RAPGEF5: variants seen among roughly 807,000 people sequenced by gnomAD.
RAPGEF5 encodes Rap guanine nucleotide exchange factor 5, also known as M-Ras-regulated GEF.
Under a neutral mutation model 125.2 loss-of-function variants are expected in RAPGEF5, and 65 were observed. The ratio of observed to expected loss-of-function variants is 0.52; its 90% CI spans 0.43 to 0.64. The LOEUF (loss-of-function observed/expected upper bound fraction) is 0.64, where lower values mean the gene tolerates loss of function less well. RAPGEF5 is among the 30% of genes least tolerant of loss of function. The pLI is 0.00. For synonymous variants in RAPGEF5, 391 were observed against 385.9 expected, an observed-to-expected ratio of 1.01 and a Z score of -0.16; for missense variants, 958 against 1,048.1, an observed-to-expected ratio of 0.91 and a Z score of 1.19.
At chr7:22,229,745 C>T (rs1387646078) in intron 8 of RAPGEF5, among the ~76,000 whole-genome samples, 1 of 152,166 alleles carries the variant, frequency 6.6e-6, no homozygotes, top group Non-Finnish European at 1.5e-5. Context: ...ATCAAGCTTT[C>T]TTAGACACAC....
In RAPGEF5 at chr7:22,343,806, T is replaced by C. The variant is rs545630375; in HGVS notation, c.231+13024A>G. 7.9e-5 allele frequency among the ~76,000 whole-genome samples: 12 copies of C among 152,244 alleles called. 1 individual carries two copies. The highest frequency in any genetic ancestry group is 2.9e-4 in the African/African-American group (12 of 41,548). On this transcript the variant is annotated intron_variant, in intron 1 of 25. Transcript: ENST00000665637. Reference sequence around the variant, plus strand: ...TAGTTTTGGCAGGCATTTCAGAACATGTTCAATACACGGTGACAAAATTTA... The same window carrying C: ...TAGTTTTGGCAGGCATTTCAGAACACGTTCAATACACGGTGACAAAATTTA...
chr7:22,211,264 G>C (rs998309642), intron 9 of RAPGEF5, among the ~76,000 whole-genome samples: 1 of 152,160 alleles, frequency 6.6e-6, no homozygotes. Context: ...AGCAACCAAA[G>C]TATATGAATG....
intron 6 of RAPGEF5, among the ~76,000 whole-genome samples, chr7:22,268,629 A>G (rs192046586): frequency 6.6e-6 from 1 of 152,326 alleles, no homozygotes; most frequent in East Asian, 1.9e-4. Context: ...TCTAGATTCT[A>G]TGATCTCCCA....
intron 3 of RAPGEF5, among the ~76,000 whole-genome samples, chr7:22,312,747 C>A (rs1490632675): frequency 6.6e-6 from 1 of 152,204 alleles, no homozygotes; most frequent in East Asian, 1.9e-4. Flanking sequence ...CTGACTTTAT[C>A]AAGTTATGTT....
chr7:22,149,000 A>G (rs184407316), intron 18 of RAPGEF5, among the ~76,000 whole-genome samples: 1 of 152,336 alleles, frequency 6.6e-6, no homozygotes, highest in Non-Finnish European at 1.5e-5. Flanking sequence ...AGGACAGCAC[A>G]GGAAAGGTCC....
chr7:22,318,052 G>GA lies in RAPGEF5; in HGVS notation c.232-16dup, dbSNP rs201720761. 2,998 of 1,216,448 alleles carry GA rather than the reference G, an allele frequency of 2.5e-3. No homozygotes were observed. Among genetic ancestry groups the GA allele is most frequent in the Admixed American group, 7.2e-3 (183 of 25,476 alleles). The allele number at this position is 1,216,448 out of a possible 1,614,324, so 75.4% of individuals were successfully genotyped here. Reference sequence around the variant, plus strand: ...CTTGATAGAGTCTATTTTAAACAAAGAAAAAAAAAATAGTTAGAACCAAAT... The same window carrying GA: ...CTTGATAGAGTCTATTTTAAACAAAGAAAAAAAAAAATAGTTAGAACCAAAT... On this transcript the variant is annotated splice_polypyrimidine_tract_variant and intron_variant, in intron 1 of 25. Transcript: ENST00000665637.
intron 4 of RAPGEF5, 42 bp from the exon 5 acceptor site, chr7:22,308,549 T>C (rs1332854455): frequency 1.2e-5 from 17 of 1,390,922 alleles, no homozygotes; most frequent in Admixed American, 5.1e-5. Flanking sequence ...TTTTAAAAGA[T>C]ATTACTCAGA....
intron 9 of RAPGEF5, chr7:22,202,830 A>G (rs1293214457): frequency 4.5e-6 from 1 of 222,384 alleles, no homozygotes; most frequent in Non-Finnish European, 9.7e-6. Flanking sequence ...TATCTCTCTG[A>G]GCATCAGCTT....
chr7:22,280,549 A>G (rs1324056858), intron 6 of RAPGEF5, among the ~76,000 whole-genome samples: 2 of 152,172 alleles, frequency 1.3e-5, no homozygotes, highest in Non-Finnish European at 2.9e-5. Context: ...AAAGCTGTGG[A>G]TCTGCAAAAA....
At chr7:22,269,619 A>T (rs915957603) in intron 6 of RAPGEF5, among the ~76,000 whole-genome samples, 1 of 152,258 alleles carries the variant, frequency 6.6e-6, no homozygotes, top group African/African-American at 2.4e-5. Context: ...TCTTCAGAAC[A>T]TGTTAGAAGG....
intron 7 of RAPGEF5, among the ~76,000 whole-genome samples, chr7:22,258,787 T>A (rs1782073092): frequency 6.6e-6 from 1 of 151,942 alleles, no homozygotes; most frequent in African/African-American, 2.4e-5. Flanking sequence ...CAGAAACAAC[T>A]GGATATCCAC....
chr7:22,320,577 CCT>C (rs769433340), intron 1 of RAPGEF5, among the ~76,000 whole-genome samples: 2 of 152,150 alleles, frequency 1.3e-5, no homozygotes, highest in South Asian at 2.1e-4. Context: ...AATGCACCCC[CCT>C]CTTTCCATTT....
chr7:22,146,495 T>C (rs190870549), intron 19 of RAPGEF5, among the ~76,000 whole-genome samples: 2 of 152,318 alleles, frequency 1.3e-5, no homozygotes, highest in Non-Finnish European at 1.5e-5. Context: ...TGTTCTTAAG[T>C]AAAAAGATGG....
rs1053898012 is a variant in RAPGEF5, at chr7:22,118,640, C to T, written c.*3766G>A. The T allele has an allele frequency of 5.9e-5, 9 of 152,568 alleles. No homozygotes were observed. The highest frequency in any genetic ancestry group is 3.9e-4 in the East Asian group (2 of 5,186). 9.5% of individuals were successfully genotyped at this position (152,568 alleles called of 1,614,324 possible). On this transcript the variant is annotated 3_prime_UTR_variant, in exon 26 of 26. Coordinates refer to ENST00000665637, the MANE Select transcript of RAPGEF5 (RefSeq NM_012294.5). ...AGAAGTTAGGTAGACACCCTGATGG[C>T]GGGTTCTCTATCTTCTAATTGTTAA...
At chr7:22,137,252 G>A (rs56252011) in intron 21 of RAPGEF5, among the ~76,000 whole-genome samples, 1,774 of 152,276 alleles carry the variant, frequency 0.012, 22 homozygotes, top group Middle Eastern at 0.02. Context: ...CATACTGGTG[G>A]TCATTTAATA....
In RAPGEF5 at chr7:22,194,822, G is replaced by A. The variant is rs1348474931; in HGVS notation, c.997-789C>T. The A allele has an allele frequency of 1.3e-5, 12 of 948,654 alleles. No homozygotes were observed. In the African/African-American group the frequency reaches 1.4e-4, roughly 11 times the overall value. The allele number at this position is 948,654 out of a possible 1,614,324, so 58.8% of individuals were successfully genotyped here. ...CCCAGAGTGAGTGTGGCCCGCTGAC[G>A]TGGCTCTGTCACAGAGGACAGCTTG... On this transcript the variant is annotated intron_variant, in intron 9 of 25. Coordinates refer to ENST00000665637, the MANE Select transcript of RAPGEF5 (RefSeq NM_012294.5).
intron 5 of RAPGEF5, among the ~76,000 whole-genome samples, chr7:22,294,520 C>T (rs1783014611): frequency 6.6e-6 from 1 of 152,158 alleles, no homozygotes; most frequent in Non-Finnish European, 1.5e-5. Context: ...ATCCCTCTAA[C>T]CATCAAACTG....
At chr7:22,239,983 C>A (rs1298734996) in intron 7 of RAPGEF5, among the ~76,000 whole-genome samples, 1 of 151,518 alleles carries the variant, frequency 6.6e-6, no homozygotes, top group Admixed American at 6.6e-5. Flanking sequence ...CCGAGGCGGG[C>A]GGATCACCTG....
intron 7 of RAPGEF5, among the ~76,000 whole-genome samples, chr7:22,247,547 C>T (rs1786508763): frequency 6.6e-6 from 1 of 152,174 alleles, no homozygotes; most frequent in Non-Finnish European, 1.5e-5. Context: ...CATGCATTTG[C>T]TTCTCCTTCA....
Sources: allele counts gnomAD v4.1 joint callset (sites outside exome capture counted in the v4.1 genomes callset), GRCh38; gene constraint gnomAD v4.1.1; transcripts MANE v1.5; gene names NCBI Gene and HGNC (gene_info 2026-07-23, HGNC 2026-07-21).